The following UBL7 variants were observed in gnomAD, a reference collection of about 807,000 sequenced individuals.
UBL7 encodes the protein ubiquitin-like protein 7.
Under a neutral mutation model 41.7 loss-of-function variants are expected in UBL7, and 21 were observed. The ratio of observed to expected loss-of-function variants is 0.50; its 90% CI spans 0.36 to 0.73. The LOEUF is 0.73. UBL7 is among the 30% of genes least tolerant of loss of function. The probability of loss-of-function intolerance (pLI) is 0.00; values close to 1 mark genes in which losing one functional copy is unlikely to be tolerated. For synonymous variants in UBL7, 157 were observed against 186.9 expected, an observed-to-expected ratio of 0.84 and a Z score of 1.31; for missense variants, 403 against 478.4, an observed-to-expected ratio of 0.84 and a Z score of 1.47.
At position 74,449,274 on chromosome 15, in the gene UBL7, C is replaced by T. The variant is rs1238735233; in HGVS notation, c.794G>A (p.Arg265Gln). 1 of 1,613,008 alleles carries T rather than the reference C, an allele frequency of 6.2e-7. No homozygotes were observed. Among genetic ancestry groups the T allele is most frequent in the Middle Eastern group, 1.7e-4 (1 of 5,892 alleles). Residue 265 changes from arginine to glutamine, a missense_variant, in exon 9 of 11, where the codon CGG becomes CAG. Physicochemically the swap from Arg to Gln is conservative, Grantham distance 43. Transcript: ENST00000395081. ...SLGYSGAAGP[R>Q]PITQSELATA... ...GGCCAGCTCACTCTGGGTGATGGGC[C>T]GGGGCCCAGCAGCTCCACTGTACCC...
At chr15:74,451,197 C>T (rs541118650) in intron 5 of UBL7, among the ~76,000 whole-genome samples, 1 of 152,270 alleles carries the variant, frequency 6.6e-6, no homozygotes, top group South Asian at 2.1e-4. Flanking sequence ...GGGCTAACTG[C>T]TATCCTCATT....
At chr15:74,454,214 G>A (rs1035033820) in intron 3 of UBL7, among the ~76,000 whole-genome samples, 4 of 152,102 alleles carry the variant, frequency 2.6e-5, no homozygotes, top group Non-Finnish European at 4.4e-5. Context: ...GATTAAATGA[G>A]GTATAAAAGG....
Position 74,446,312 on chromosome 15 carries a change from G to A in UBL7, c.1006-85C>T. The A allele has an allele frequency of 1.3e-6, 2 of 1,544,328 alleles. No homozygotes were observed. Among genetic ancestry groups the A allele is most frequent in the East Asian group, 2.3e-5 (1 of 44,130 alleles). On this transcript the variant is annotated intron_variant, in intron 10 of 10. Coordinates refer to ENST00000395081, the MANE Select transcript of UBL7 (RefSeq NM_032907.5). This position sits in a 1 kb window ranked among gnomAD's most constrained non-coding sequence, Gnocchi z 4.1. ...GGTCTGTGCTTTCCGGGGAAGGAAAGGAAGATGGGGGAGTCCTCAGCAAAG... is the reference window on the plus strand; with the variant it reads ...GGTCTGTGCTTTCCGGGGAAGGAAAAGAAGATGGGGGAGTCCTCAGCAAAG...
chr15:74,459,245 C>G (rs1168878782), intron 1 of UBL7: 1 of 185,048 alleles, frequency 5.4e-6, no homozygotes, highest in African/African-American at 2.4e-5. Context: ...TAACAAGTTC[C>G]CTGCCTCTTG....
chr15:74,451,291 T>G (rs1380612585), intron 5 of UBL7, 145 bp downstream of exon 5: 4 of 728,768 alleles, frequency 5.5e-6, no homozygotes, highest in South Asian at 1.8e-5. Flanking sequence ...GCTGGGGATA[T>G]CAAACACACC....
chr15:74,454,102 T>A (rs1041169143), intron 3 of UBL7, among the ~76,000 whole-genome samples: 3 of 152,224 alleles, frequency 2.0e-5, no homozygotes, highest in Non-Finnish European at 4.4e-5. Context: ...TCCCAGCTCT[T>A]GCATTCACTT....
At chr15:74,460,756 C>T (rs377431020) in intron 1 of UBL7, 21 of 1,283,076 alleles carry the variant, frequency 1.6e-5, no homozygotes, top group Non-Finnish European at 2.1e-5. Context: ...TTATAGTCAT[C>T]ATTATTGCTT....
chr15:74,456,453 C>T, intron 3 of UBL7, 99 bp downstream of exon 3: 1 of 1,451,506 alleles, frequency 6.9e-7, no homozygotes, highest in Admixed American at 2.0e-5. Context: ...AGTAAATCAT[C>T]CCTTTGTTCC....
In UBL7 at chr15:74,446,579, A is replaced by T. The variant is rs1387320529; in HGVS notation, c.1006-352T>A. Among the ~76,000 whole-genome samples the T allele has an allele frequency of 2.0e-5, 3 of 151,894 alleles. No homozygotes were observed. The highest frequency in any genetic ancestry group is 4.4e-5 in the Non-Finnish European group (3 of 67,976). On this transcript the variant is annotated intron_variant, in intron 10 of 10. Transcript: ENST00000395081. This position sits in a 1 kb window ranked among gnomAD's most constrained non-coding sequence, Gnocchi z 4.1. Reference sequence around the variant, plus strand: ...GCTCTTTATGTGATGAGTGTTACAGATTTTTTTCCCAGTTTGTTAGCCTTT... The same window carrying T: ...GCTCTTTATGTGATGAGTGTTACAGTTTTTTTTCCCAGTTTGTTAGCCTTT...
chr15:74,454,253 A>G (rs1034800752), intron 3 of UBL7, among the ~76,000 whole-genome samples: 2 of 152,170 alleles, frequency 1.3e-5, no homozygotes, highest in African/African-American at 2.4e-5. Context: ...GAAGCCACAA[A>G]TGTTATTTTC....
At chr15:74,460,661 C>A in intron 1 of UBL7, 1 of 1,281,210 alleles carries the variant, frequency 7.8e-7, no homozygotes, top group Admixed American at 2.4e-5. Flanking sequence ...CATCCTTGTC[C>A]CCATACCTGG....
chr15:74,450,999 A>C (rs1040642731), intron 5 of UBL7, 140 bp from the exon 6 acceptor site: 5 of 853,302 alleles, frequency 5.9e-6, no homozygotes, highest in Non-Finnish European at 9.4e-6. Context: ...GAGGAAGCAA[A>C]GCGCCAAGCA....
rs2061283726 is a variant in UBL7 at position 74,455,275 on chromosome 15, A to T, written c.304+1277T>A. On this transcript the variant is annotated intron_variant, in intron 3 of 10. Coordinates refer to ENST00000395081, the MANE Select transcript of UBL7 (RefSeq NM_032907.5). ...GTCAACCTGCCAGTGTAACAAAGCT[A>T]ATCTCTTTTACACAGCTTAGCTTTA... Among the ~76,000 whole-genome samples the T allele has an allele frequency of 2.6e-5, 4 of 152,342 alleles. No homozygotes were observed. In the South Asian group the frequency reaches 8.3e-4, roughly 32 times the overall value.
At chr15:74,458,942 C>A (rs1343462617) in intron 1 of UBL7, 46 bp from the exon 2 acceptor site, 2 of 1,556,454 alleles carry the variant, frequency 1.3e-6, no homozygotes, top group East Asian at 4.5e-5. Flanking sequence ...GACCACCACT[C>A]TACTCCACCC....
chr15:74,449,093 A>G, intron 9 of UBL7, 93 bp downstream of exon 9: 1 of 1,423,978 alleles, frequency 7.0e-7, no homozygotes. Flanking sequence ...AACTAGATCT[A>G]GCACCAGGGT....
intron 1 of UBL7, among the ~76,000 whole-genome samples, chr15:74,459,475 A>ATT (rs372314262): frequency 0.024 from 3,343 of 141,032 alleles, 62 homozygotes; most frequent in Non-Finnish European, 0.037. Flanking sequence ...CGCCAGGCTA[A>ATT]TTTTTTTTTT....
Position 74,456,535 on chromosome 15 carries a change from G to A in UBL7, c.304+17C>T. The stretch of plus-strand genomic sequence containing the variant: ...ATTACAGAAACTCTGCCTGCCTAAG[G>A]GCTGCCCCTCACTCACCCGGTTTCT... On this transcript the variant is annotated intron_variant, in intron 3 of 10. Transcript: ENST00000395081. 2 of 1,613,392 alleles carry A rather than the reference G, an allele frequency of 1.2e-6. No homozygotes were observed. Among genetic ancestry groups the A allele is most frequent in the South Asian group, 1.1e-5 (1 of 91,040 alleles).
Position 74,458,798 on chromosome 15 carries a change from G to C in UBL7, c.70C>G (p.Arg24Gly), listed in dbSNP as rs200579468. The C allele has an allele frequency of 8.3e-4, 1,347 of 1,613,766 alleles. 15 individuals carry two copies. The Admixed American group carries it at 0.016, about 19-fold the overall frequency. Reference protein sequence around the residue: ...DQPLTPKSILRLPETELGEYS... With the variant: ...DQPLTPKSILGLPETELGEYS... ...TCTCCCAGTTCTGTCTCTGGCAACC[G>C]AAGAATAGACTTTGGAGTAAGTGGC... is the stretch of plus-strand genomic sequence containing the variant. The change falls in exon 2 of 11, where the codon CGG becomes GGG. Residue 24 changes from arginine to glycine, a missense_variant. By Grantham distance (125) the Arg-to-Gly change is moderately radical. Coordinates refer to ENST00000395081, the MANE Select transcript of UBL7 (RefSeq NM_032907.5).
intron 1 of UBL7, among the ~76,000 whole-genome samples, chr15:74,459,718 C>G (rs1031694137): frequency 4.0e-5 from 6 of 151,876 alleles, no homozygotes; most frequent in Non-Finnish European, 5.9e-5. Flanking sequence ...GTAACCCTAG[C>G]ACTTTGAGAG....
Sources: gnomAD v4.1 joint callset for allele counts (sites outside exome capture counted in the v4.1 genomes callset) on GRCh38, gnomAD v4.1.1 for gene constraint, Gnocchi (gnomAD v3.1) non-coding constraint, MANE v1.5 for transcripts, NCBI Gene and HGNC (gene_info 2026-07-23, HGNC 2026-07-21) for gene names.